The following RGS7 variants were observed in gnomAD, a reference collection of about 807,000 sequenced individuals.
The protein encoded by RGS7 is regulator of G-protein signaling 7.
In RGS7, 27 loss-of-function variants were observed where a neutral mutation model predicts 81.1. That is an observed-to-expected ratio of 0.33 (90% confidence interval 0.25 to 0.46). The LOEUF (loss-of-function observed/expected upper bound fraction) is 0.46, where lower values mean the gene tolerates loss of function less well. Among genes scored for constraint, RGS7 ranks in the 20% least tolerant of loss-of-function variants. RGS7 has a pLI of 1.00. For missense variants in RGS7, 396 were observed against 607.4 expected, an observed-to-expected ratio of 0.65 and a Z score of 3.66; for synonymous variants, 208 against 207.7, an observed-to-expected ratio of 1.00 and a Z score of -0.01.
chr1:240,867,997 T>TAA (rs11386015), intron 9 of RGS7, among the ~76,000 whole-genome samples: 2 of 105,962 alleles, frequency 1.9e-5, no homozygotes, highest in Admixed American at 9.0e-5. Context: ...CCAGATCCCA[T>TAA]AAAAAAAGAG....
At chr1:241,189,968 T>C (rs2072482487) in intron 2 of RGS7, among the ~76,000 whole-genome samples, 1 of 152,086 alleles carries the variant, frequency 6.6e-6, no homozygotes, top group South Asian at 2.1e-4. Context: ...CCGGGCGCGG[T>C]GGTGGGCACC....
At chr1:240,792,657 A>G (rs1686210155) in intron 18 of RGS7, among the ~76,000 whole-genome samples, 1 of 152,162 alleles carries the variant, frequency 6.6e-6, no homozygotes. Context: ...TTTTAAGAGA[A>G]GCTATCATGA....
At chr1:241,066,645 T>G (rs76793443) in intron 3 of RGS7, among the ~76,000 whole-genome samples, 3,062 of 152,240 alleles carry the variant, frequency 0.02, 123 homozygotes, top group African/African-American at 0.07. Flanking sequence ...TCACACTCTT[T>G]CCTCTCGCTC....
chr1:241,179,622 G>A (rs1027266674), intron 2 of RGS7, among the ~76,000 whole-genome samples: 3 of 152,052 alleles, frequency 2.0e-5, no homozygotes, highest in Non-Finnish European at 4.4e-5. Flanking sequence ...GCACAGATTC[G>A]GATGGACAAC....
intron 5 of RGS7, among the ~76,000 whole-genome samples, chr1:240,933,511 A>G (rs1172134778): frequency 1.3e-5 from 2 of 152,032 alleles, no homozygotes; most frequent in African/African-American, 2.4e-5. Context: ...ACTAATATGG[A>G]AGATTTTTTC....
chr1:241,115,694 T>C (rs1052341532), intron 2 of RGS7, among the ~76,000 whole-genome samples: 3 of 152,200 alleles, frequency 2.0e-5, no homozygotes, highest in Non-Finnish European at 4.4e-5. Context: ...TCCCACTTCT[T>C]GAAAGGCCAT....
rs79041904 is a variant in RGS7 at position 240,835,996 on chromosome 1, A to C, written c.610-8824T>G. Among the ~76,000 whole-genome samples the C allele has an allele frequency of 4.6e-3, 703 of 152,360 alleles. 8 individuals are homozygous for C. The highest frequency in any genetic ancestry group is 0.016 in the African/African-American group (681 of 41,586). On this transcript the variant is annotated intron_variant, in intron 9 of 18. Coordinates refer to ENST00000440928, the MANE Select transcript of RGS7 (RefSeq NM_001364886.1). ...GGGTAGTGAAACTGTATGACACTAC[A>C]ATAGTGAATACATGTCATTATACAT...
At chr1:240,911,306 C>T (rs1671711717) in intron 6 of RGS7, among the ~76,000 whole-genome samples, 1 of 152,152 alleles carries the variant, frequency 6.6e-6, no homozygotes, top group Non-Finnish European at 1.5e-5. Context: ...GGAAAGCAGT[C>T]CAAGGTTACT....
intron 4 of RGS7, among the ~76,000 whole-genome samples, chr1:240,971,527 G>A (rs1257181782): frequency 6.6e-6 from 1 of 152,240 alleles, no homozygotes; most frequent in Non-Finnish European, 1.5e-5. Context: ...GGAAGCTCCA[G>A]CTGCAGTAGC....
At chr1:241,009,167 C>T (rs1408312211) in intron 3 of RGS7, among the ~76,000 whole-genome samples, 2 of 152,148 alleles carry the variant, frequency 1.3e-5, no homozygotes, top group African/African-American at 2.4e-5. Flanking sequence ...GACTATCACA[C>T]AGTCTGAAAC....
intron 2 of RGS7, among the ~76,000 whole-genome samples, chr1:241,314,267 G>A (rs1482842608): frequency 6.6e-6 from 1 of 152,126 alleles, no homozygotes; most frequent in Non-Finnish European, 1.5e-5. Flanking sequence ...CTTCACTGTC[G>A]TTTATTTGAA....
At chr1:241,115,530 A>G (rs1228011548) in intron 2 of RGS7, among the ~76,000 whole-genome samples, 1 of 152,192 alleles carries the variant, frequency 6.6e-6, no homozygotes, top group Non-Finnish European at 1.5e-5. Context: ...AATTCTCAAT[A>G]GGGGAAGAAA....
intron 4 of RGS7, among the ~76,000 whole-genome samples, chr1:240,948,478 G>C (rs1411825420): frequency 1.3e-5 from 2 of 152,234 alleles, no homozygotes; most frequent in East Asian, 3.9e-4. Context: ...GACGGAGTCT[G>C]TGTTGCCCAG....
chr1:241,091,874 G>A (rs2063908615), intron 3 of RGS7, among the ~76,000 whole-genome samples: 1 of 152,006 alleles, frequency 6.6e-6, no homozygotes, highest in Non-Finnish European at 1.5e-5. Context: ...ATGACAGAAT[G>A]AGACTCTGCC....
chr1:240,775,995 T>G lies in RGS7; in HGVS notation c.*225A>C, dbSNP rs545698121. ...CAGACAACAGTTTGGAATGGAGGCA[T>G]TGAGACGGAAGAGTCCATTGGAGAT... On this transcript the variant is annotated 3_prime_UTR_variant, in exon 19 of 19. Coordinates refer to ENST00000440928, the MANE Select transcript of RGS7 (RefSeq NM_001364886.1). The G allele has an allele frequency of 1.5e-6, 1 of 662,770 alleles. No individual in the cohort carries two copies. Among genetic ancestry groups the G allele is most frequent in the Non-Finnish European group, 2.8e-6 (1 of 354,580 alleles). The allele number at this position is 662,770 out of a possible 1,614,324, so 41.1% of individuals were successfully genotyped here.
chr1:241,291,586 T>TTTTTTC, intron 2 of RGS7, among the ~76,000 whole-genome samples: 1 of 147,366 alleles, frequency 6.8e-6, no homozygotes, highest in Non-Finnish European at 1.5e-5. Context: ...TTTTTTTTTT[T>TTTTTTC]TGCTTTTTTG....
intron 3 of RGS7, among the ~76,000 whole-genome samples, chr1:241,053,620 T>C (rs1445823637): frequency 6.6e-6 from 1 of 152,228 alleles, no homozygotes; most frequent in Admixed American, 6.5e-5. Flanking sequence ...ACTATTATCA[T>C]CGTAAGATTT....
intron 2 of RGS7, among the ~76,000 whole-genome samples, chr1:241,289,717 C>G (rs2078995668): frequency 6.6e-6 from 1 of 152,016 alleles, no homozygotes; most frequent in Non-Finnish European, 1.5e-5. Flanking sequence ...TTGAAGAAAC[C>G]CTCCTCACCT....
intron 18 of RGS7, among the ~76,000 whole-genome samples, chr1:240,786,981 G>T (rs373607667): frequency 5.6e-4 from 85 of 152,066 alleles, no homozygotes; most frequent in Middle Eastern, 6.8e-3. Context: ...CAAAGTGAGA[G>T]ATTTTTGACC....
Sources: allele counts gnomAD v4.1 joint callset (sites outside exome capture counted in the v4.1 genomes callset), GRCh38; gene constraint gnomAD v4.1.1; transcripts MANE v1.5; gene names NCBI Gene and HGNC (gene_info 2026-07-23, HGNC 2026-07-21).